The following UGT1A9 variants were observed in gnomAD, a reference collection of about 807,000 sequenced individuals.
UGT1A9 encodes the protein UDP glucuronosyltransferase family 1 member A9.
A neutral mutation model predicts 45.0 loss-of-function variants in UGT1A9; 35 were observed. The ratio of observed to expected loss-of-function variants is 0.78; its 90% CI spans 0.59 to 1.03. The LOEUF is 1.03. Ranked by LOEUF, UGT1A9 falls within the 50% of genes least tolerant of loss-of-function variation. UGT1A9 has a pLI of 0.00. For missense variants in UGT1A9, 687 were observed against 666.6 expected, an observed-to-expected ratio of 1.03 and a Z score of -0.34; for synonymous variants, 278 against 250.6, an observed-to-expected ratio of 1.11 and a Z score of -1.03.
Position 233,724,804 on chromosome 2 carries a change from G to A in UGT1A9, c.856-42230G>A, listed in dbSNP as rs1450931342. ...TCACTTCCCAGACGGGGTGGCGGCCGGGCAGAGGCTGCAATCTCGGCACTT... is the reference window on the plus strand; with the variant it reads ...TCACTTCCCAGACGGGGTGGCGGCCAGGCAGAGGCTGCAATCTCGGCACTT... On this transcript the variant is annotated intron_variant, in intron 1 of 4. Coordinates refer to ENST00000354728, the MANE Select transcript of UGT1A9 (RefSeq NM_021027.3). 4.1e-4 allele frequency among the ~76,000 whole-genome samples: 57 copies of A among 138,728 alleles called. 3 individuals are homozygous for A. Among genetic ancestry groups the A allele is most frequent in the Non-Finnish European group, 8.3e-4 (54 of 64,962 alleles). The allele number at this position is 138,728 out of a possible 152,430, so 91.0% of individuals were successfully genotyped here. A position where few individuals can be genotyped will look rare whatever the true frequency, so the allele number is the denominator to read the frequency against.
chr2:233,762,899 T>C (rs1698190736), intron 1 of UGT1A9, among the ~76,000 whole-genome samples: 1 of 152,218 alleles, frequency 6.6e-6, no homozygotes, highest in Non-Finnish European at 1.5e-5. Context: ...ATGCCAAATA[T>C]CAGGGCTATT....
At chr2:233,691,270 C>T (rs2075035586) in intron 1 of UGT1A9, 4 of 985,548 alleles carry the variant, frequency 4.1e-6, no homozygotes, top group Non-Finnish European at 4.8e-6. Flanking sequence ...GCTGCCGCCC[C>T]CATGACTTTG....
chr2:233,721,021 C>T (rs914413376), intron 1 of UGT1A9, among the ~76,000 whole-genome samples: 6 of 152,026 alleles, frequency 3.9e-5, no homozygotes, highest in Non-Finnish European at 8.8e-5. Context: ...AGGGAGCCAT[C>T]TTTCTTGTGA....
chr2:233,704,330 C>T (rs1355795459), intron 1 of UGT1A9, among the ~76,000 whole-genome samples: 1 of 143,058 alleles, frequency 7.0e-6, no homozygotes, highest in African/African-American at 2.7e-5. Flanking sequence ...TTTCTTTCCA[C>T]TATTTAAAAA....
At position 233,718,958 on chromosome 2, in the gene UGT1A9, G is replaced by A. The variant is rs201006205; in HGVS notation, c.855+46169G>A. 528 of 1,614,220 alleles carry A rather than the reference G, an allele frequency of 3.3e-4. 5 individuals carry two copies. In the South Asian group the frequency reaches 5.5e-3, roughly 17 times the overall value. On this transcript the variant is annotated intron_variant, in intron 1 of 4. Coordinates refer to ENST00000354728, the MANE Select transcript of UGT1A9 (RefSeq NM_021027.3). ...GCAGCCCCTGGCTCAGCATGCGGGA[G>A]GCCTTGCGGGAGCTCCATGCCAGAG...
At chr2:233,697,092 C>T (rs1373676838) in intron 1 of UGT1A9, among the ~76,000 whole-genome samples, 1 of 151,956 alleles carries the variant, frequency 6.6e-6, no homozygotes, top group Admixed American at 6.6e-5. Context: ...ACTGGTCTCA[C>T]AGGATGAGTT....
chr2:233,738,464 T>C (rs1182388871), intron 1 of UGT1A9, among the ~76,000 whole-genome samples: 1 of 152,210 alleles, frequency 6.6e-6, no homozygotes, highest in Non-Finnish European at 1.5e-5. Flanking sequence ...GTGGGAAAGT[T>C]TGGAACTTCC....
chr2:233,690,785 A>G, intron 1 of UGT1A9: 5 of 1,137,854 alleles, frequency 4.4e-6, no homozygotes, highest in Non-Finnish European at 4.4e-6. Flanking sequence ...ATACACACAC[A>G]CACACACACA....
chr2:233,753,329 G>A (rs1695182951), intron 1 of UGT1A9: 1 of 152,070 alleles, frequency 6.6e-6, no homozygotes, highest in Non-Finnish European at 1.5e-5. Context: ...GGTGCCAGCT[G>A]ACTGCCATTT....
intron 1 of UGT1A9, chr2:233,708,309 A>G (rs571309769): frequency 2.0e-5 from 3 of 152,348 alleles, no homozygotes; most frequent in Non-Finnish European, 4.4e-5. Context: ...TGACAATCCA[A>G]TAGGTAAAAA....
intron 1 of UGT1A9, chr2:233,713,686 C>T (rs779646185): frequency 1.2e-6 from 2 of 1,611,180 alleles, no homozygotes; most frequent in South Asian, 1.1e-5. Flanking sequence ...GCTCCTTATG[C>T]AAGCCTTGCC....
At chr2:233,725,000 CG>C (rs201780710) in intron 1 of UGT1A9, among the ~76,000 whole-genome samples, 7,734 of 147,282 alleles carry the variant, frequency 0.053, 1,119 homozygotes, top group African/African-American at 0.18. Context: ...GGCTGGAGAC[CG>C]GCCCGGCCAA....
intron 1 of UGT1A9, among the ~76,000 whole-genome samples, chr2:233,694,648 CTTT>C (rs745676395): frequency 2.6e-5 from 4 of 152,166 alleles, no homozygotes; most frequent in Admixed American, 6.5e-5. Context: ...TTTCCAGTTC[CTTT>C]TTTATCAGAG....
chr2:233,742,094 GA>G (rs1559385588), intron 1 of UGT1A9: 1 of 151,908 alleles, frequency 6.6e-6, no homozygotes, highest in East Asian at 1.9e-4. Context: ...ACATTTCCAG[GA>G]CCCACTGCCA....
At chr2:233,734,101 TATAATA>T (rs549143261) in intron 1 of UGT1A9, among the ~76,000 whole-genome samples, 1 of 151,280 alleles carries the variant, frequency 6.6e-6, no homozygotes, top group Admixed American at 6.6e-5. Context: ...AAACTTAAAG[TATAATA>T]ATAATAATAA....
At chr2:233,703,034 T>A (rs1194366315) in intron 1 of UGT1A9, among the ~76,000 whole-genome samples, 1 of 152,240 alleles carries the variant, frequency 6.6e-6, no homozygotes, top group East Asian at 1.9e-4. Context: ...GTATTCATTC[T>A]TTACATATTT....
At chr2:233,695,439 T>C (rs572772091) in intron 1 of UGT1A9, among the ~76,000 whole-genome samples, 14 of 152,046 alleles carry the variant, frequency 9.2e-5, no homozygotes, top group African/African-American at 3.4e-4. Context: ...CTTCTTCTTT[T>C]TTTTTTGATC....
chr2:233,691,443 T>A, intron 1 of UGT1A9: 1 of 985,598 alleles, frequency 1.0e-6, no homozygotes, highest in Non-Finnish European at 1.2e-6. Flanking sequence ...AGGCTTCTTC[T>A]CCCTTCCTGG....
chr2:233,755,791 C>G (rs1696023449), intron 1 of UGT1A9: 1 of 152,376 alleles, frequency 6.6e-6, no homozygotes, highest in Non-Finnish European at 1.5e-5. Flanking sequence ...ATCATATGTA[C>G]TGCATTAGAG....
Sources: allele counts gnomAD v4.1 joint callset (sites outside exome capture counted in the v4.1 genomes callset), GRCh38; gene constraint gnomAD v4.1.1; transcripts MANE v1.5; gene names NCBI Gene and HGNC (gene_info 2026-07-23, HGNC 2026-07-21).